Variants in CSNK2A1 observed in about 807,000 individuals in gnomAD.
The protein encoded by CSNK2A1 is casein kinase II subunit alpha.
In CSNK2A1, 10 loss-of-function variants were observed where a neutral mutation model predicts 62.9. That is an observed-to-expected ratio of 0.16 (90% CI 0.10 to 0.27). The LOEUF is 0.27. Ranked by LOEUF, CSNK2A1 falls within the 10% of genes least tolerant of loss-of-function variation. The pLI, the probability that CSNK2A1 is intolerant of heterozygous loss-of-function variation, is 1.00. For synonymous variants in CSNK2A1, 124 were observed against 167.8 expected, an observed-to-expected ratio of 0.74 and a Z score of 2.02; for missense variants, 160 against 492.0, an observed-to-expected ratio of 0.33 and a Z score of 6.38.
chr20:495,646 G>T, intron 8 of CSNK2A1, 73 bp downstream of exon 8: 1 of 1,303,582 alleles, frequency 7.7e-7, no homozygotes, highest in South Asian at 1.2e-5. Context: ...GACAACACAA[G>T]GGATAAAGTG....
chr20:479,522 A>G lies in CSNK2A1; in HGVS notation c.*4439T>C, dbSNP rs1172797628. On this transcript the variant is annotated 3_prime_UTR_variant, in exon 14 of 14. Coordinates refer to ENST00000217244, the MANE Select transcript of CSNK2A1 (RefSeq NM_177559.3). ...TTGGTACATGCCTAAAATGTTTTACAATAACAATTTAAATCACCTGTGAAG... is the reference window on the plus strand; with the variant it reads ...TTGGTACATGCCTAAAATGTTTTACGATAACAATTTAAATCACCTGTGAAG... The G allele has an allele frequency of 1.3e-5, 2 of 152,256 alleles. No homozygotes were observed. The highest frequency in any genetic ancestry group is 4.8e-5 in the African/African-American group (2 of 41,462). The allele number at this position is 152,256 out of a possible 1,614,324, so 9.4% of individuals were successfully genotyped here.
chr20:499,550 G>A lies in CSNK2A1; in HGVS notation c.316-245C>T, dbSNP rs57761836. 1,433 of 548,836 alleles carry A rather than the reference G, an allele frequency of 2.6e-3. 20 individuals are homozygous for A. Among genetic ancestry groups the A allele is most frequent in the African/African-American group, 0.022 (1,167 of 53,020 alleles). The allele number at this position is 548,836 out of a possible 1,614,324, so 34.0% of individuals were successfully genotyped here. On this transcript the variant is annotated intron_variant, in intron 5 of 13. Transcript: ENST00000217244. This position sits in a 1 kb window ranked among gnomAD's most constrained non-coding sequence, Gnocchi z 4.2. Reference sequence around the variant, plus strand: ...CAGGCTCTAGGCAGCCCGACAATGCGCCCATCGCCCATCGGCATCGGACCT... The same window carrying A: ...CAGGCTCTAGGCAGCCCGACAATGCACCCATCGCCCATCGGCATCGGACCT...
rs2019507232 is a variant in CSNK2A1 at position 543,772 on chromosome 20, C to A, written c.-327G>T. On this transcript the variant is annotated 5_prime_UTR_variant, in exon 1 of 14. Transcript: ENST00000217244. ...AGACACACGGCTCGGCCGCCAGCCG[C>A]AGGGACCAGAGCGAGGCTGCAGCCG... 2.5e-6 allele frequency: 1 copy of A among 398,486 alleles called. No individual in the cohort carries two copies. Among genetic ancestry groups the A allele is most frequent in the South Asian group, 1.3e-4 (1 of 7,822 alleles). The allele number at this position is 398,486 out of a possible 1,614,324, so 24.7% of individuals were successfully genotyped here.
chr20:541,600 C>T (rs1434978089), intron 1 of CSNK2A1, among the ~76,000 whole-genome samples: 1 of 152,102 alleles, frequency 6.6e-6, no homozygotes, highest in Non-Finnish European at 1.5e-5. Context: ...AGGAAAAGGA[C>T]GCGCAGTATG....
Position 481,141 on chromosome 20 carries a change from T to G in CSNK2A1, c.*2820A>C, listed in dbSNP as rs879360514. On this transcript the variant is annotated 3_prime_UTR_variant, in exon 14 of 14. Coordinates refer to ENST00000217244, the MANE Select transcript of CSNK2A1 (RefSeq NM_177559.3). ...TTTAAATGTTTTTATTAAAAAAAAT[T>G]AAAGACCTTCATGGCACAACTTCTT... 4 of 152,160 alleles carry G rather than the reference T, an allele frequency of 2.6e-5. No individual in the cohort carries two copies. Among genetic ancestry groups the G allele is most frequent in the Non-Finnish European group, 4.4e-5 (3 of 68,042 alleles). 9.4% of individuals were successfully genotyped at this position (152,160 alleles called of 1,614,324 possible). A position where few individuals can be genotyped will look rare whatever the true frequency, so the allele number is the denominator to read the frequency against.
intron 8 of CSNK2A1, 84 bp from the exon 9 acceptor site, chr20:492,448 C>T (rs1268984222): frequency 2.2e-5 from 29 of 1,315,986 alleles, no homozygotes; most frequent in Non-Finnish European, 2.8e-5. Flanking sequence ...ATAAAATATA[C>T]CAGACACGTC....
At position 492,208 on chromosome 20, in the gene CSNK2A1, C is replaced by T. The variant is rs371531023; in HGVS notation, c.621+46G>A. ...TTTTTTTTTTTTGGTAAATTATGTG[C>T]GAAATAAACACAGGATCAAAACTGT... On this transcript the variant is annotated intron_variant, in intron 9 of 13. Transcript: ENST00000217244. 6.0e-5 allele frequency: 91 copies of T among 1,520,084 alleles called. 1 individual carries two copies. Among genetic ancestry groups the T allele is most frequent in the South Asian group, 3.4e-4 (28 of 83,522 alleles). 94.2% of individuals were successfully genotyped at this position (1,520,084 alleles called of 1,614,324 possible). A position where few individuals can be genotyped will look rare whatever the true frequency, so the allele number is the denominator to read the frequency against.
At chr20:516,847 T>A (rs1393602087) in intron 2 of CSNK2A1, among the ~76,000 whole-genome samples, 2 of 151,892 alleles carry the variant, frequency 1.3e-5, no homozygotes, top group Non-Finnish European at 2.9e-5. Context: ...TTAGTCTCCA[T>A]CTTAAAAGGA....
intron 4 of CSNK2A1, chr20:504,517 G>A (rs1304081241): frequency 2.0e-5 from 3 of 152,126 alleles, no homozygotes; most frequent in African/African-American, 7.2e-5. Flanking sequence ...TAAAAGTCAG[G>A]AAAATTCATA....
At chr20:523,230 C>T (rs770730953) in intron 2 of CSNK2A1, among the ~76,000 whole-genome samples, 1 of 152,118 alleles carries the variant, frequency 6.6e-6, no homozygotes, top group Non-Finnish European at 1.5e-5. Context: ...TTCTAGAAAA[C>T]AGTTTGGCAA....
In CSNK2A1 at chr20:527,020, A is replaced by AGAGAGAGAGAGATC. The variant is rs1367891997; in HGVS notation, c.-110+912_-110+913insGATCTCTCTCTCTC. Reference sequence around the variant, plus strand: ...GACAGACAGAGAGAGAGAGAGAGAGAGAGAGAGAGAGAGAGAGAGAGAGAA... The same window carrying AGAGAGAGAGAGATC: ...GACAGACAGAGAGAGAGAGAGAGAGAGAGAGAGAGAGATCGAGAGAGAGAGAGAGAGAGAGAGAA... On this transcript the variant is annotated intron_variant, in intron 2 of 13. Coordinates refer to ENST00000217244, the MANE Select transcript of CSNK2A1 (RefSeq NM_177559.3). 56 of 150,610 alleles carry AGAGAGAGAGAGATC rather than the reference A, an allele frequency of 3.7e-4. No individual in the cohort carries two copies. In the South Asian group the frequency reaches 0.011, roughly 30 times the overall value. The allele number at this position is 150,610 out of a possible 1,614,324, so 9.3% of individuals were successfully genotyped here.
chr20:529,353 T>C (rs2019164892), intron 1 of CSNK2A1, among the ~76,000 whole-genome samples: 1 of 152,136 alleles, frequency 6.6e-6, no homozygotes, highest in Non-Finnish European at 1.5e-5. Context: ...TGGTTCTGAG[T>C]AATGTGATGA....
intron 2 of CSNK2A1, among the ~76,000 whole-genome samples, chr20:521,015 C>T (rs1339059436): frequency 6.6e-6 from 1 of 152,110 alleles, no homozygotes; most frequent in Admixed American, 6.5e-5. Flanking sequence ...AATTATCAAA[C>T]CTTCTTGCAA....
intron 1 of CSNK2A1, among the ~76,000 whole-genome samples, chr20:535,527 G>A (rs1215623848): frequency 5.3e-5 from 8 of 152,028 alleles, no homozygotes; most frequent in Admixed American, 2.6e-4. Flanking sequence ...AGGCTGAGGC[G>A]GGTGGATCAC....
intron 2 of CSNK2A1, among the ~76,000 whole-genome samples, chr20:509,120 T>C (rs1382332859): frequency 6.6e-6 from 1 of 152,222 alleles, no homozygotes; most frequent in African/African-American, 2.4e-5. Context: ...TCATATTTGA[T>C]GAAACCAGGA....
intron 2 of CSNK2A1, among the ~76,000 whole-genome samples, chr20:524,708 CAAAA>C (rs56228720): frequency 0.022 from 1,812 of 83,170 alleles, 26 homozygotes; most frequent in African/African-American, 0.074. Flanking sequence ...GACTCCATCT[CAAAA>C]AAAAAAAAAA....
At chr20:485,355 G>A (rs745878047) in intron 13 of CSNK2A1, among the ~76,000 whole-genome samples, 13 of 151,630 alleles carry the variant, frequency 8.6e-5, no homozygotes, top group Non-Finnish European at 1.8e-4. Context: ...CTAATTTTTT[G>A]TATTTCCAGT....
chr20:500,034 T>A, intron 4 of CSNK2A1, 100 bp from the exon 5 acceptor site: 1 of 866,778 alleles, frequency 1.2e-6, no homozygotes. Flanking sequence ...GGCTTACTTA[T>A]GAGCACACCT....
Position 499,474 on chromosome 20 carries a change from G to C in CSNK2A1, c.316-169C>G. 1 of 571,450 alleles carries C rather than the reference G, an allele frequency of 1.7e-6. No homozygotes were observed. Among genetic ancestry groups the C allele is most frequent in the Non-Finnish European group, 3.0e-6 (1 of 334,510 alleles). 35.4% of individuals were successfully genotyped at this position (571,450 alleles called of 1,614,324 possible). On this transcript the variant is annotated intron_variant, in intron 5 of 13. Coordinates refer to ENST00000217244, the MANE Select transcript of CSNK2A1 (RefSeq NM_177559.3). The surrounding 1 kb of genome is among the most constrained non-coding windows in gnomAD (Gnocchi z 4.2). The stretch of plus-strand genomic sequence containing the variant: ...CCCGCTCTGATCATCACCGCACTTA[G>C]GTCATTTTTGGGATGGATTTCAAAC...
Sources: gnomAD v4.1 joint callset for allele counts (sites outside exome capture counted in the v4.1 genomes callset) on GRCh38, gnomAD v4.1.1 for gene constraint, Gnocchi (gnomAD v3.1) non-coding constraint, MANE v1.5 for transcripts, NCBI Gene and HGNC (gene_info 2026-07-23, HGNC 2026-07-21) for gene names.